Variants in NUP98 observed in about 807,000 individuals in gnomAD.
The protein encoded by NUP98 is nuclear pore complex protein Nup98-Nup96.
In NUP98, 26 loss-of-function variants were observed where a neutral mutation model predicts 191.9. The ratio of observed to expected loss-of-function variants is 0.14; its 90% CI spans 0.10 to 0.19. The LOEUF is 0.19. Among genes scored for constraint, NUP98 ranks in the 10% least tolerant of loss-of-function variants. The pLI, the probability that NUP98 is intolerant of heterozygous loss-of-function variation, is 1.00. For missense variants in NUP98, 1,941 were observed against 2,178.8 expected, an observed-to-expected ratio of 0.89 and a Z score of 2.17; for synonymous variants, 808 against 778.4, an observed-to-expected ratio of 1.04 and a Z score of -0.63.
intron 27 of NUP98, chr11:3,692,967 G>A (rs542261538): frequency 1.4e-5 from 5 of 357,414 alleles, no homozygotes; most frequent in South Asian, 6.6e-5. Flanking sequence ...AGGTCAGGCT[G>A]TATAACAGGG....
At chr11:3,792,259 T>G (rs1455689231) in intron 1 of NUP98, among the ~76,000 whole-genome samples, 1 of 150,176 alleles carries the variant, frequency 6.7e-6, no homozygotes, top group Non-Finnish European at 1.5e-5. Context: ...TTAAAAAGAC[T>G]TATCTGATGA....
intron 27 of NUP98, among the ~76,000 whole-genome samples, chr11:3,692,284 T>C (rs947147485): frequency 5.4e-5 from 8 of 148,208 alleles, no homozygotes; most frequent in Admixed American, 2.0e-4. Flanking sequence ...TGCATGCCAC[T>C]CAAGTTTTGG....
At position 3,720,150 on chromosome 11, in the gene NUP98, A is replaced by G. The variant is rs182765726; in HGVS notation, c.2260+562T>C. ...TTATCTATAATGACGCTATATAAAC[A>G]AACCTTCGCACTTGGCCTGGCATAT... On this transcript the variant is annotated intron_variant, in intron 17 of 32. Coordinates refer to ENST00000324932, the MANE Select transcript of NUP98 (RefSeq NM_016320.5). Among the ~76,000 whole-genome samples the G allele has an allele frequency of 5.0e-3, 755 of 152,282 alleles. 30 individuals are homozygous for G. The highest frequency in any genetic ancestry group is 0.046 in the Admixed American group (709 of 15,290).
At chr11:3,736,098 GTTT>G (rs71041387) in intron 12 of NUP98, among the ~76,000 whole-genome samples, 28 of 148,014 alleles carry the variant, frequency 1.9e-4, no homozygotes, top group Non-Finnish European at 2.8e-4. Context: ...GTGTGTGTGT[GTTT>G]TGTTTTTTTT....
rs1359644078 is a variant in NUP98, at chr11:3,726,173, G to A, written c.1731-954C>T. ...ATTTCTAAGAATTGCTATTGCTATC[G>A]CCTTTTACTTTTCATCTAGAAGTTA... On this transcript the variant is annotated intron_variant, in intron 14 of 32. Transcript: ENST00000324932. Among the ~76,000 whole-genome samples, 10 of 151,916 alleles carry A rather than the reference G, an allele frequency of 6.6e-5. No individual in the cohort carries two copies. The East Asian group carries it at 9.6e-4, about 15-fold the overall frequency.
intron 8 of NUP98, among the ~76,000 whole-genome samples, chr11:3,767,924 A>G (rs897098635): frequency 1.3e-5 from 2 of 152,220 alleles, no homozygotes; most frequent in South Asian, 2.1e-4. Flanking sequence ...TCAGTAATGA[A>G]TAAGTATTTT....
At position 3,712,600 on chromosome 11, in the gene NUP98, C is replaced by G; in HGVS notation, c.2706G>C (p.Gln902His). 6.2e-7 allele frequency: 1 copy of G among 1,614,118 alleles called. No individual in the cohort carries two copies. Among genetic ancestry groups the G allele is most frequent in the African/African-American group, 1.3e-5 (1 of 75,064 alleles). Reference protein sequence around the residue: ...LPPASQTTPLQMALNGKPAPP... With the variant: ...LPPASQTTPLHMALNGKPAPP... ...GTGCAGGTTTGCCATTAAGAGCCATCTGCAAGGGCGTAGTCTGGCTTGCAG... is the reference window on the plus strand; with the variant it reads ...GTGCAGGTTTGCCATTAAGAGCCATGTGCAAGGGCGTAGTCTGGCTTGCAG... The change falls in exon 20 of 33, where the codon CAG (glutamine) becomes CAC (histidine). Residue 902 changes from glutamine to histidine, a missense_variant. This residue lies in a region of NUP98 where 1,030 missense variants were observed against 1,115.8 expected (regional missense o/e 0.92). Transcript: ENST00000324932.
At chr11:3,693,123 G>A in intron 27 of NUP98, 109 bp downstream of exon 27, 1 of 1,070,134 alleles carries the variant, frequency 9.3e-7, no homozygotes, top group South Asian at 1.5e-5. Flanking sequence ...GCCTTGTCCA[G>A]AGGAAGGAGT....
At chr11:3,737,881 T>G (rs1200584795) in intron 12 of NUP98, among the ~76,000 whole-genome samples, 1 of 148,988 alleles carries the variant, frequency 6.7e-6, no homozygotes. Context: ...AAAGAAAAGT[T>G]TTTTTTTTTT....
Position 3,695,609 on chromosome 11 carries a change from A to G in NUP98, c.4010-3T>C, listed in dbSNP as rs1410486500. ...AAGAAGAGCAAGACGATGATCCCCT[A>G]TAAGAGAAATGGAAGTTTTTTGGTT... On this transcript the variant is annotated splice_polypyrimidine_tract_variant and splice_region_variant and intron_variant, in intron 25 of 32. Transcript: ENST00000324932. 14 of 1,555,162 alleles carry G rather than the reference A, an allele frequency of 9.0e-6. No homozygotes were observed. The South Asian group carries it at 1.2e-4, about 13-fold the overall frequency.
intron 6 of NUP98, among the ~76,000 whole-genome samples, chr11:3,772,973 T>C (rs2081579904): frequency 6.6e-6 from 1 of 151,860 alleles, no homozygotes; most frequent in South Asian, 2.1e-4. Context: ...TGAGATGCTG[T>C]CTCAAAAACA....
At position 3,732,091 on chromosome 11, in the gene NUP98, G is replaced by A. The variant is rs566856926; in HGVS notation, c.1543-513C>T. On this transcript the variant is annotated intron_variant, in intron 13 of 32. Transcript: ENST00000324932. ...TCTTTTAAAATGTAATCAAGATAAT[G>A]AATCTGTTAGCTGGACAGTGGAAGC... is the stretch of plus-strand genomic sequence containing the variant. Among the ~76,000 whole-genome samples, 3 of 152,214 alleles carry A rather than the reference G, an allele frequency of 2.0e-5. No individual in the cohort carries two copies. In the South Asian group the frequency reaches 6.2e-4, roughly 32 times the overall value.
At chr11:3,788,178 A>C (rs1825925953) in intron 1 of NUP98, among the ~76,000 whole-genome samples, 1 of 152,242 alleles carries the variant, frequency 6.6e-6, no homozygotes, top group Admixed American at 6.5e-5. Flanking sequence ...ATTAATTTTA[A>C]ATAGTCCATA....
intron 28 of NUP98, among the ~76,000 whole-genome samples, chr11:3,688,909 C>A (rs1302017024): frequency 2.6e-4 from 38 of 144,280 alleles, no homozygotes; most frequent in Non-Finnish European, 4.7e-4. Context: ...AAAAAAAAAA[C>A]AAAAACTGTA....
chr11:3,777,207 G>A (rs1488121710), intron 4 of NUP98, among the ~76,000 whole-genome samples: 1 of 151,876 alleles, frequency 6.6e-6, no homozygotes, highest in African/African-American at 2.4e-5. Context: ...AACTAATAAA[G>A]AAATAGCAAA....
intron 11 of NUP98, among the ~76,000 whole-genome samples, chr11:3,748,525 A>C (rs926513863): frequency 1.7e-4 from 26 of 152,212 alleles, no homozygotes; most frequent in African/African-American, 6.3e-4. Context: ...CATCTTGGAA[A>C]AAAATAAAAC....
rs571142577 is a variant in NUP98, at chr11:3,676,726, G to A, written c.5074-106C>T. 1.8e-5 allele frequency: 17 copies of A among 924,574 alleles called. 1 individual carries two copies. Among genetic ancestry groups the A allele is most frequent in the African/African-American group, 1.4e-4 (9 of 62,100 alleles). The allele number at this position is 924,574 out of a possible 1,614,324, so 57.3% of individuals were successfully genotyped here. A position where few individuals can be genotyped will look rare whatever the true frequency, so the allele number is the denominator to read the frequency against. ...TTGAAACAACAGTGAGGTGAGGGAG[G>A]GGAAAATCCAAGATGATGACACAGG... On this transcript the variant is annotated intron_variant, in intron 31 of 32. Transcript: ENST00000324932.
chr11:3,757,919 T>C (rs2081032047), intron 10 of NUP98, among the ~76,000 whole-genome samples: 1 of 152,146 alleles, frequency 6.6e-6, no homozygotes, highest in East Asian at 1.9e-4. Flanking sequence ...GGGACTAAAA[T>C]ATCACAGATT....
At chr11:3,762,553 CAA>C (rs1194107863) in intron 9 of NUP98, among the ~76,000 whole-genome samples, 3 of 152,036 alleles carry the variant, frequency 2.0e-5, no homozygotes, top group Non-Finnish European at 4.4e-5. Context: ...TTATCACCTA[CAA>C]AAGAGGGAAG....
Sources: allele counts gnomAD v4.1 joint callset (sites outside exome capture counted in the v4.1 genomes callset), GRCh38; gene constraint gnomAD v4.1.1; regional missense constraint gnomAD v4.1.1; transcripts MANE v1.5; gene names NCBI Gene and HGNC (gene_info 2026-07-23, HGNC 2026-07-21).